The following NDUFAF6 variants were observed in gnomAD, a reference collection of about 807,000 sequenced individuals.
NDUFAF6 encodes the protein NADH dehydrogenase (ubiquinone) complex I, assembly factor 6.
In NDUFAF6, 45 loss-of-function variants were observed where a neutral mutation model predicts 40.8. That is an observed-to-expected ratio of 1.10 (90% CI 0.87 to 1.42). The LOEUF (loss-of-function observed/expected upper bound fraction) is 1.42, where lower values mean the gene tolerates loss of function less well. Among genes scored for constraint, NDUFAF6 ranks in the 40% most tolerant of loss-of-function variants. NDUFAF6 has a pLI of 0.00. For missense variants in NDUFAF6, 435 were observed against 418.5 expected, an observed-to-expected ratio of 1.04 and a Z score of -0.34; for synonymous variants, 185 against 155.9, an observed-to-expected ratio of 1.19 and a Z score of -1.39.
intron 9 of NDUFAF6, among the ~76,000 whole-genome samples, chr8:95,073,458 G>C (rs907569884): frequency 6.6e-6 from 1 of 151,868 alleles, no homozygotes; most frequent in Non-Finnish European, 1.5e-5. Flanking sequence ...GAAGTCGCAG[G>C]TGCGCTCCCC....
intron 1 of NDUFAF6, among the ~76,000 whole-genome samples, chr8:94,899,274 A>G (rs1016560398): frequency 6.6e-6 from 1 of 152,242 alleles, no homozygotes; most frequent in Non-Finnish European, 1.5e-5. Flanking sequence ...TTTTACTGTA[A>G]GATAGTTTTG....
chr8:94,970,711 A>G (rs1350032056), intron 1 of NDUFAF6, among the ~76,000 whole-genome samples: 1 of 152,258 alleles, frequency 6.6e-6, no homozygotes, highest in Non-Finnish European at 1.5e-5. Context: ...GCTTGGGAAG[A>G]ATTTATGGTA....
Position 94,901,929 on chromosome 8 carries a change from A to G in NDUFAF6, c.-936+6002A>G, listed in dbSNP as rs191879312. On this transcript the variant is annotated intron_variant, in intron 1 of 14. Coordinates refer to the NDUFAF6 transcript ENST00000396113. ...CATTCAGCAAAGTTGAAAGGATTTT[A>G]TAATGAACACCCATATGCCATACCA... is the stretch of plus-strand genomic sequence containing the variant. 2.0e-5 allele frequency among the ~76,000 whole-genome samples: 3 copies of G among 152,326 alleles called. No homozygotes were observed. The East Asian group carries it at 5.8e-4, about 29-fold the overall frequency.
chr8:94,975,325 T>C (rs1047368924), intron 1 of NDUFAF6: 2 of 152,000 alleles, frequency 1.3e-5, no homozygotes, highest in African/African-American at 2.4e-5. Context: ...AAGGTGGAGG[T>C]TGGGGAGAAA....
chr8:95,016,720 G>A (rs984621753), intron 2 of NDUFAF6, among the ~76,000 whole-genome samples: 13 of 152,082 alleles, frequency 8.5e-5, no homozygotes, highest in African/African-American at 2.9e-4. Context: ...CCAGCCTGGC[G>A]ACAGAGAGAG....
At chr8:94,965,192 A>G (rs779437430) in intron 1 of NDUFAF6, among the ~76,000 whole-genome samples, 1 of 152,218 alleles carries the variant, frequency 6.6e-6, no homozygotes, top group Non-Finnish European at 1.5e-5. Flanking sequence ...AGGGAGAAAA[A>G]CAAATTAAAC....
chr8:95,077,018 A>G (rs1808650360), downstream of NDUFAF6, among the ~76,000 whole-genome samples: 1 of 152,194 alleles, frequency 6.6e-6, no homozygotes, highest in South Asian at 2.1e-4. Flanking sequence ...GCCCTAATCC[A>G]CTATAACTGA....
chr8:94,934,470 C>G (rs1264225213), intron 1 of NDUFAF6, among the ~76,000 whole-genome samples: 1 of 151,802 alleles, frequency 6.6e-6, no homozygotes, highest in African/African-American at 2.4e-5. Context: ...ACTGCAACCT[C>G]TGCCTCCCGG....
intron 1 of NDUFAF6, among the ~76,000 whole-genome samples, chr8:94,966,825 G>T (rs548505053): frequency 6.6e-6 from 1 of 152,170 alleles, no homozygotes; most frequent in Non-Finnish European, 1.5e-5. Context: ...GCGGGAAAGC[G>T]GAAGAGGCCA....
intron 1 of NDUFAF6, among the ~76,000 whole-genome samples, chr8:94,911,556 C>A (rs1408677113): frequency 6.6e-6 from 1 of 152,198 alleles, no homozygotes; most frequent in Non-Finnish European, 1.5e-5. Context: ...AGTGTCTCCA[C>A]AAAGATCCAG....
downstream of NDUFAF6, among the ~76,000 whole-genome samples, chr8:95,105,066 C>CACAGAG (rs1484172223): frequency 1.8e-4 from 13 of 72,884 alleles, no homozygotes; most frequent in African/African-American, 3.7e-4. Context: ...CACACACACA[C>CACAGAG]AGAGAGAGAG....
rs543569682 is a variant in NDUFAF6, at chr8:95,114,075, G to A, written n.345-1461G>A. Among the ~76,000 whole-genome samples, 218 of 151,844 alleles carry A rather than the reference G, an allele frequency of 1.4e-3. 1 individual carries two copies. Among genetic ancestry groups the A allele is most frequent in the African/African-American group, 5.1e-3 (209 of 41,370 alleles). ...AATGCTAGATGACGAGTTAGTGGGTGCAGCACACCAGCATGGCACATGTAT... is the reference window on the plus strand; with the variant it reads ...AATGCTAGATGACGAGTTAGTGGGTACAGCACACCAGCATGGCACATGTAT... On this transcript the variant is annotated intron_variant and non_coding_transcript_variant, in intron 4 of 5. Coordinates refer to the NDUFAF6 transcript ENST00000523184.
At chr8:94,946,855 T>A (rs1822062969) in intron 2 of NDUFAF6, among the ~76,000 whole-genome samples, 1 of 152,102 alleles carries the variant, frequency 6.6e-6, no homozygotes, top group Non-Finnish European at 1.5e-5. Context: ...TACTTCACAG[T>A]GCCAGTGTAA....
upstream of NDUFAF6, among the ~76,000 whole-genome samples, chr8:95,098,657 C>T (rs1430381444): frequency 6.8e-6 from 1 of 147,446 alleles, no homozygotes; most frequent in African/African-American, 2.5e-5. Context: ...GCGACAAGAA[C>T]GAAACTTCGT....
intron 2 of NDUFAF6, among the ~76,000 whole-genome samples, chr8:94,952,890 T>A (rs1822741498): frequency 6.6e-6 from 1 of 152,212 alleles, no homozygotes; most frequent in Non-Finnish European, 1.5e-5. Context: ...CTTCATTCAG[T>A]AACCAGTGCT....
At chr8:95,069,795 T>TA (rs1554687643) in intron 9 of NDUFAF6, among the ~76,000 whole-genome samples, 3 of 142,152 alleles carry the variant, frequency 2.1e-5, no homozygotes, top group Non-Finnish European at 4.6e-5. Context: ...AAAAAAAAAA[T>TA]TATATATATA....
intron 1 of NDUFAF6, among the ~76,000 whole-genome samples, chr8:95,031,601 G>A (rs11780931): frequency 0.15 from 22,191 of 152,036 alleles, 1,635 homozygotes; most frequent in Middle Eastern, 0.24. Context: ...GAAGCCTCAC[G>A]TTGTTATTGT....
In NDUFAF6 at chr8:95,045,445, T is replaced by C. The variant is rs534678261; in HGVS notation, c.478-100T>C. On this transcript the variant is annotated intron_variant, in intron 4 of 8. Coordinates refer to ENST00000396124, the MANE Select transcript of NDUFAF6 (RefSeq NM_152416.4). ...TGTACTAAATAACATATACTGAATA[T>C]TTTTATTCGTTATTCAGTTCTTTGG... 5 of 785,590 alleles carry C rather than the reference T, an allele frequency of 6.4e-6. No individual in the cohort carries two copies. The South Asian group carries it at 7.3e-5, about 11-fold the overall frequency. The allele number at this position is 785,590 out of a possible 1,614,324, so 48.7% of individuals were successfully genotyped here. A position where few individuals can be genotyped will look rare whatever the true frequency, so the allele number is the denominator to read the frequency against.
At chr8:94,989,167 A>C (rs779174107) in intron 2 of NDUFAF6, 1 of 152,076 alleles carries the variant, frequency 6.6e-6, no homozygotes, top group Middle Eastern at 3.2e-3. Flanking sequence ...AAAGTTGTTC[A>C]AAAAAAAGAG....
Sources: gnomAD v4.1 joint callset for allele counts (sites outside exome capture counted in the v4.1 genomes callset) on GRCh38, gnomAD v4.1.1 for gene constraint, MANE v1.5 for transcripts, NCBI Gene and HGNC (gene_info 2026-07-23, HGNC 2026-07-21) for gene names.